SDK1: variants seen among roughly 807,000 people sequenced by gnomAD.
SDK1 encodes the protein protein sidekick-1.
SDK1 carries 157 observed loss-of-function variants against 245.5 expected under a neutral mutation model. The ratio of observed to expected loss-of-function variants is 0.64; its 90% CI spans 0.56 to 0.73. The LOEUF is 0.73. SDK1 is among the 30% of genes least tolerant of loss of function. The probability of loss-of-function intolerance (pLI) is 0.00; values close to 1 mark genes in which losing one functional copy is unlikely to be tolerated. For synonymous variants in SDK1, 1,647 were observed against 1,278.5 expected (o/e 1.29, Z -6.15); for missense variants, 3,583 against 3,002.3 (o/e 1.19, Z -4.52).
intron 1 of SDK1, among the ~76,000 whole-genome samples, chr7:3,449,479 T>C (rs1780447174): frequency 6.6e-6 from 1 of 152,172 alleles, no homozygotes; most frequent in African/African-American, 2.4e-5. Flanking sequence ...GCTTGAAGAA[T>C]TGTATCAGTT....
intron 4 of SDK1, among the ~76,000 whole-genome samples, chr7:3,808,271 G>A (rs1246437192): frequency 6.6e-6 from 1 of 152,188 alleles, no homozygotes; most frequent in African/African-American, 2.4e-5. Flanking sequence ...GGGGAGCATG[G>A]TGCCCCTTCT....
intron 1 of SDK1, among the ~76,000 whole-genome samples, chr7:3,484,171 A>G (rs1042777590): frequency 6.6e-6 from 1 of 152,196 alleles, no homozygotes; most frequent in African/African-American, 2.4e-5. Context: ...GCTCCAGTCC[A>G]CAGGTGGCCC....
chr7:4,077,626 C>T (rs769815453), intron 21 of SDK1, among the ~76,000 whole-genome samples: 1 of 152,184 alleles, frequency 6.6e-6, no homozygotes, highest in Non-Finnish European at 1.5e-5. Context: ...GGAGGCCTCA[C>T]AATCATGGCG....
At chr7:4,225,600 G>A (rs529063607) in intron 40 of SDK1, among the ~76,000 whole-genome samples, 130 of 152,338 alleles carry the variant, frequency 8.5e-4, no homozygotes, top group African/African-American at 2.8e-3. Flanking sequence ...GGAACAGGAC[G>A]CCTGTTGGTT....
At chr7:3,459,758 T>G (rs186934932) in intron 1 of SDK1, among the ~76,000 whole-genome samples, 1 of 152,208 alleles carries the variant, frequency 6.6e-6, no homozygotes, top group Admixed American at 6.5e-5. Context: ...CCACTTGGTT[T>G]AGACCAGTTG....
chr7:3,523,342 A>G (rs1783007865), intron 1 of SDK1, among the ~76,000 whole-genome samples: 1 of 152,196 alleles, frequency 6.6e-6, no homozygotes, highest in South Asian at 2.1e-4. Flanking sequence ...GTGCTGGCAT[A>G]GGGCTTCTAA....
At chr7:3,328,791 T>C (rs1268478575) in intron 1 of SDK1, among the ~76,000 whole-genome samples, 1 of 152,172 alleles carries the variant, frequency 6.6e-6, no homozygotes, top group Non-Finnish European at 1.5e-5. Context: ...GTATTCCACA[T>C]GGACTATACA....
chr7:3,719,107 A>T (rs1199009986), intron 4 of SDK1, among the ~76,000 whole-genome samples: 5 of 152,198 alleles, frequency 3.3e-5, no homozygotes, highest in African/African-American at 1.2e-4. Flanking sequence ...TTATAGGTAT[A>T]CCCAAGTCTG....
intron 1 of SDK1, among the ~76,000 whole-genome samples, chr7:3,353,137 A>G (rs979052981): frequency 6.6e-6 from 1 of 152,050 alleles, no homozygotes; most frequent in Non-Finnish European, 1.5e-5. Context: ...TCCTGTTATC[A>G]TTGTTCCCTT....
intron 1 of SDK1, among the ~76,000 whole-genome samples, chr7:3,434,329 G>C (rs1185676515): frequency 6.6e-6 from 1 of 152,132 alleles, no homozygotes; most frequent in Non-Finnish European, 1.5e-5. Context: ...TTTCCACCTT[G>C]TTCGCCTTGG....
chr7:3,551,189 G>T (rs1479979235), intron 1 of SDK1, among the ~76,000 whole-genome samples: 2 of 152,052 alleles, frequency 1.3e-5, no homozygotes, highest in African/African-American at 4.8e-5. Context: ...ACCGGGGGTG[G>T]GGGGCCCAAC....
At chr7:3,803,382 C>G (rs1485788008) in intron 4 of SDK1, among the ~76,000 whole-genome samples, 1 of 151,096 alleles carries the variant, frequency 6.6e-6, no homozygotes, top group African/African-American at 2.4e-5. Context: ...GTGATCTTGG[C>G]TCACTGCAAC....
intron 5 of SDK1, among the ~76,000 whole-genome samples, chr7:3,926,558 CG>C (rs1779776677): frequency 6.6e-6 from 1 of 151,990 alleles, no homozygotes; most frequent in Non-Finnish European, 1.5e-5. Flanking sequence ...CTTCTTTGGG[CG>C]CAGGTGATCC....
intron 35 of SDK1, among the ~76,000 whole-genome samples, chr7:4,183,260 A>G (rs574149074): frequency 3.2e-4 from 49 of 152,254 alleles, no homozygotes; most frequent in African/African-American, 1.1e-3. Flanking sequence ...TATAATAGTG[A>G]TGTTATCTTT....
intron 5 of SDK1, among the ~76,000 whole-genome samples, chr7:3,884,547 C>T (rs1271425176): frequency 6.6e-6 from 1 of 152,202 alleles, no homozygotes; most frequent in African/African-American, 2.4e-5. Context: ...GGAGATTAGG[C>T]ACCTGGGTTA....
In SDK1 at chr7:4,230,226, G is replaced by C. The variant is rs191019087; in HGVS notation, c.5828-3029G>C. Among the ~76,000 whole-genome samples the C allele has an allele frequency of 2.5e-3, 367 of 149,064 alleles. 1 individual carries two copies. The highest frequency in any genetic ancestry group is 8.7e-3 in the African/African-American group (355 of 40,680). On this transcript the variant is annotated intron_variant, in intron 40 of 44. Coordinates refer to ENST00000404826, the MANE Select transcript of SDK1 (RefSeq NM_152744.4). Reference sequence around the variant, plus strand: ...AGATGAGTAGATGTGTGGATGGATGGACGAATGGATAGATGGATAGGTGGA... The same window carrying C: ...AGATGAGTAGATGTGTGGATGGATGCACGAATGGATAGATGGATAGGTGGA...
chr7:3,937,364 C>G (rs1331561179), intron 5 of SDK1, among the ~76,000 whole-genome samples: 1 of 152,182 alleles, frequency 6.6e-6, no homozygotes, highest in East Asian at 1.9e-4. Context: ...AAAACCAGCA[C>G]AAGTCATTCT....
intron 1 of SDK1, among the ~76,000 whole-genome samples, chr7:3,304,224 G>T (rs946321734): frequency 3.9e-5 from 6 of 152,162 alleles, no homozygotes; most frequent in South Asian, 2.1e-4. Flanking sequence ...TGAGTTGTAT[G>T]CTCTGCTTAT....
chr7:3,355,751 A>G (rs1453544614), intron 1 of SDK1, among the ~76,000 whole-genome samples: 1 of 152,166 alleles, frequency 6.6e-6, no homozygotes, highest in Non-Finnish European at 1.5e-5. Context: ...ATAGCCTCTA[A>G]ACTCATCTAT....
Sources: gnomAD v4.1 joint callset for allele counts (sites outside exome capture counted in the v4.1 genomes callset) on GRCh38, gnomAD v4.1.1 for gene constraint, MANE v1.5 for transcripts, NCBI Gene and HGNC (gene_info 2026-07-23, HGNC 2026-07-21) for gene names.